The following NNMT variants were observed in gnomAD, a reference collection of about 807,000 sequenced individuals.
NNMT encodes the protein nicotinamide N-methyltransferase.
Under a neutral mutation model 11.7 loss-of-function variants are expected in NNMT, and 10 were observed. The ratio of observed to expected loss-of-function variants is 0.85; its 90% CI spans 0.53 to 1.45. The LOEUF (loss-of-function observed/expected upper bound fraction) is 1.45. NNMT is among the 40% of genes most tolerant of loss of function. NNMT has a pLI of 0.00. For synonymous variants in NNMT, 143 were observed against 133.8 expected, an observed-to-expected ratio of 1.07 and a Z score of -0.48; for missense variants, 381 against 319.4, an observed-to-expected ratio of 1.19 and a Z score of -1.47.
At position 114,312,347 on chromosome 11, in the gene NNMT, A is replaced by G; in HGVS notation, c.665A>G (p.Glu222Gly). ...CTCCCCCTGGGCCGGGAGGCAGTAG[A>G]GGCTGCTGTGAAAGAGGCTGGCTAC... ...SSLPLGREAV[E>G]AAVKEAGYTI... The change falls in exon 3 of 3, where the codon GAG becomes GGG. Residue 222 changes from glutamate to glycine, a missense_variant. Coordinates refer to ENST00000299964, the MANE Select transcript of NNMT (RefSeq NM_006169.3). 8 of 1,614,232 alleles carry G rather than the reference A, an allele frequency of 5.0e-6. No individual in the cohort carries two copies. The South Asian group carries it at 7.7e-5, about 16-fold the overall frequency.
rs781779543 is a variant in NNMT at position 114,296,728 on chromosome 11, A to G, written c.154+18A>G. The G allele has an allele frequency of 1.9e-6, 3 of 1,613,356 alleles. No homozygotes were observed. The highest frequency in any genetic ancestry group is 4.5e-5 in the East Asian group (2 of 44,888). The stretch of plus-strand genomic sequence containing the variant: ...CTGCCTAGGTAAGTCTGTTGTCTGC[A>G]TGTCTCCCCACTAATGTGAGTCATA... On this transcript the variant is annotated intron_variant, in intron 1 of 2. Coordinates refer to ENST00000299964, the MANE Select transcript of NNMT (RefSeq NM_006169.3).
At chr11:114,261,908 T>C (rs1945086288) in intron 1 of NNMT, among the ~76,000 whole-genome samples, 1 of 152,160 alleles carries the variant, frequency 6.6e-6, no homozygotes, top group Non-Finnish European at 1.5e-5. Flanking sequence ...AGGCCTCATC[T>C]TGCACTGAGG....
In NNMT at chr11:114,312,093, G is replaced by C. The variant is rs199929982; in HGVS notation, c.411G>C (p.Gln137His). ...AGAAGTTGAGACAGGCGGTCAAGCA[G>C]GTGCTGAAGTGTGATGTGACTCAGA... ...KEEKLRQAVK[Q>H]VLKCDVTQSQ... The change falls in exon 3 of 3, where the codon CAG (glutamine) becomes CAC (histidine). Residue 137 changes from glutamine (Q) to histidine (H), a missense_variant. Physicochemically the swap from Gln to His is conservative, Grantham distance 24. Transcript: ENST00000299964. 1.4e-5 allele frequency: 22 copies of C among 1,603,572 alleles called. No individual in the cohort carries two copies. The Admixed American group carries it at 3.7e-4, about 27-fold the overall frequency.
intron 2 of NNMT, 124 bp from the exon 3 acceptor site, chr11:114,311,921 C>G: frequency 2.1e-6 from 2 of 938,260 alleles, no homozygotes; most frequent in Non-Finnish European, 1.6e-6. Context: ...CTCTCCTTTC[C>G]CGATAGAGGT....
chr11:114,305,121 C>T (rs1254636031), intron 2 of NNMT, among the ~76,000 whole-genome samples: 1 of 152,206 alleles, frequency 6.6e-6, no homozygotes, highest in Non-Finnish European at 1.5e-5. Flanking sequence ...CCTACAGAAT[C>T]AGAACCTTCA....
In NNMT at chr11:114,276,484, G is replaced by A. The variant is rs191199512; in HGVS notation, c.-130+13550G>A. On this transcript the variant is annotated intron_variant, in intron 2 of 4. Transcript: ENST00000535401. Reference sequence around the variant, plus strand: ...CCTCATTTGCTTTCCTCTTCGTTTAGTCTGTTTTATTTAGAAACCTTACCA... The same window carrying A: ...CCTCATTTGCTTTCCTCTTCGTTTAATCTGTTTTATTTAGAAACCTTACCA... Among the ~76,000 whole-genome samples, 705 of 152,302 alleles carry A rather than the reference G, an allele frequency of 4.6e-3. 5 individuals are homozygous for A. The highest frequency in any genetic ancestry group is 0.014 in the African/African-American group (597 of 41,554).
chr11:114,290,929 T>A (rs2135264799), intron 2 of NNMT, among the ~76,000 whole-genome samples: 1 of 152,358 alleles, frequency 6.6e-6, no homozygotes, highest in Middle Eastern at 3.4e-3. Context: ...CAGCTGTTAG[T>A]GTAACTATCA....
chr11:114,278,272 G>A (rs1424201762), intron 2 of NNMT, among the ~76,000 whole-genome samples: 3 of 152,168 alleles, frequency 2.0e-5, no homozygotes, highest in South Asian at 4.1e-4. Flanking sequence ...TTCTTTAAAC[G>A]ATCTGCTCTC....
chr11:114,261,307 C>T (rs1321441965), intron 1 of NNMT, among the ~76,000 whole-genome samples: 1 of 152,104 alleles, frequency 6.6e-6, no homozygotes, highest in African/African-American at 2.4e-5. Flanking sequence ...TGGGGCCGGG[C>T]GCGGTGGCTC....
chr11:114,264,434 G>C (rs1591824419), intron 2 of NNMT, among the ~76,000 whole-genome samples: 2 of 152,168 alleles, frequency 1.3e-5, no homozygotes, highest in South Asian at 2.1e-4. Context: ...GAAAATATAG[G>C]ATTAACAAAC....
intron 2 of NNMT, among the ~76,000 whole-genome samples, chr11:114,266,231 C>T (rs947263842): frequency 6.6e-6 from 1 of 152,170 alleles, no homozygotes; most frequent in African/African-American, 2.4e-5. Flanking sequence ...CACCCCACCT[C>T]GCTGTTTCCC....
chr11:114,287,715 C>T (rs888264342), intron 2 of NNMT, among the ~76,000 whole-genome samples: 6 of 152,164 alleles, frequency 3.9e-5, no homozygotes, highest in Non-Finnish European at 8.8e-5. Flanking sequence ...AGAGTAACTA[C>T]TCTTGGCCCT....
intron 2 of NNMT, among the ~76,000 whole-genome samples, chr11:114,271,078 C>G (rs1163004067): frequency 6.6e-6 from 1 of 151,996 alleles, no homozygotes; most frequent in Admixed American, 6.6e-5. Context: ...TGCTCGGCTC[C>G]GAATGACCTT....
At chr11:114,289,993 G>A (rs1191875770) in intron 2 of NNMT, among the ~76,000 whole-genome samples, 1 of 152,178 alleles carries the variant, frequency 6.6e-6, no homozygotes, top group Non-Finnish European at 1.5e-5. Flanking sequence ...TCCTCATGTG[G>A]TGAAAGGGTG....
At chr11:114,292,176 C>T (rs112342063), upstream of NNMT, among the ~76,000 whole-genome samples, 10 of 152,236 alleles carry the variant, frequency 6.6e-5, no homozygotes, top group African/African-American at 2.4e-4. Context: ...ATATAACATT[C>T]TGTCAAACTC....
chr11:114,283,272 C>T (rs1337495223), intron 2 of NNMT, among the ~76,000 whole-genome samples: 3 of 152,134 alleles, frequency 2.0e-5, no homozygotes, highest in Non-Finnish European at 4.4e-5. Context: ...TGGGTATCTG[C>T]TCCTGGGGGT....
chr11:114,309,138 C>G (rs1945522565), intron 2 of NNMT, among the ~76,000 whole-genome samples: 1 of 152,222 alleles, frequency 6.6e-6, no homozygotes, highest in Non-Finnish European at 1.5e-5. Flanking sequence ...TGTCACTACT[C>G]TACCTTTTGA....
intron 2 of NNMT, among the ~76,000 whole-genome samples, chr11:114,303,727 A>G (rs931470727): frequency 2.6e-5 from 4 of 151,798 alleles, no homozygotes; most frequent in African/African-American, 9.7e-5. Context: ...AGGCTATTCT[A>G]TTTTTTTTAG....
At chr11:114,292,842 T>C (rs1309432078), upstream of NNMT, among the ~76,000 whole-genome samples, 1 of 152,150 alleles carries the variant, frequency 6.6e-6, no homozygotes, top group East Asian at 1.9e-4. Flanking sequence ...GCCACATATA[T>C]GCTATATCAC....
Sources: gnomAD v4.1 joint callset for allele counts (sites outside exome capture counted in the v4.1 genomes callset) on GRCh38, gnomAD v4.1.1 for gene constraint, MANE v1.5 for transcripts, NCBI Gene and HGNC (gene_info 2026-07-23, HGNC 2026-07-21) for gene names.